The following TGFB2 variants were observed in gnomAD, a reference collection of about 807,000 sequenced individuals.
TGFB2 encodes the protein transforming growth factor beta-2 proprotein.
In TGFB2, 13 loss-of-function variants were observed where a neutral mutation model predicts 42.7. The observed-to-expected ratio is 0.30, with a 90% CI of 0.20 to 0.48. The LOEUF (loss-of-function observed/expected upper bound fraction) is 0.48. Ranked by LOEUF, TGFB2 falls within the 20% of genes least tolerant of loss-of-function variation. The probability of loss-of-function intolerance (pLI) is 0.99; values close to 1 mark genes in which losing one functional copy is unlikely to be tolerated. For missense variants in TGFB2, 390 were observed against 517.5 expected (o/e 0.75, Z 2.39); for synonymous variants, 193 against 193.6 (o/e 1.00, Z 0.03).
chr1:218,400,217 C>CA (rs558189521), intron 1 of TGFB2, among the ~76,000 whole-genome samples: 2,912 of 140,314 alleles, frequency 0.021, 44 homozygotes, highest in Admixed American at 0.032. Context: ...GTCTCTTGTT[C>CA]AAAAAAAAAA....
chr1:218,415,699 G>GAAAAAAAAAA (rs1174137652), intron 2 of TGFB2, among the ~76,000 whole-genome samples: 2 of 61,670 alleles, frequency 3.2e-5, no homozygotes, highest in Admixed American at 1.8e-4. Flanking sequence ...TGTCTCAAAA[G>GAAAAAAAAAA]AAAAAAAAAA....
In TGFB2 at chr1:218,444,605, G is replaced by A. The variant is rs967364171; in HGVS notation, c.*3243G>A. 5 of 152,298 alleles carry A rather than the reference G, an allele frequency of 3.3e-5. No homozygotes were observed. Among genetic ancestry groups the A allele is most frequent in the African/African-American group, 1.2e-4 (5 of 41,564 alleles). 9.4% of individuals were successfully genotyped at this position (152,298 alleles called of 1,614,324 possible). ...TTAATAAATAGGATTAATAAAAAAA[G>A]TAATTGTGACTCAATCTGGTTGTCT... On this transcript the variant is annotated 3_prime_UTR_variant, in exon 7 of 7. Transcript: ENST00000366930.
At chr1:218,383,982 C>T (rs1005187775) in intron 1 of TGFB2, among the ~76,000 whole-genome samples, 2 of 152,154 alleles carry the variant, frequency 1.3e-5, no homozygotes, top group Non-Finnish European at 2.9e-5. Context: ...CAGAGTTTGT[C>T]ATTTATGACG....
At chr1:218,356,115 T>C (rs1257685600) in intron 1 of TGFB2, among the ~76,000 whole-genome samples, 1 of 152,224 alleles carries the variant, frequency 6.6e-6, no homozygotes, top group Non-Finnish European at 1.5e-5. Flanking sequence ...ACATAGTATA[T>C]ACTCCTCCCA....
intron 1 of TGFB2, among the ~76,000 whole-genome samples, chr1:218,380,175 A>G (rs1248869481): frequency 6.6e-6 from 1 of 152,210 alleles, no homozygotes; most frequent in Non-Finnish European, 1.5e-5. Flanking sequence ...ACTCACTCGC[A>G]TTCATTGGAA....
chr1:218,380,102 T>TA, intron 1 of TGFB2, among the ~76,000 whole-genome samples: 1 of 152,230 alleles, frequency 6.6e-6, no homozygotes. Context: ...TTAAATAACT[T>TA]GCCCAAGCTG....
intron 6 of TGFB2, among the ~76,000 whole-genome samples, chr1:218,440,544 C>T (rs991822314): frequency 3.3e-5 from 5 of 152,058 alleles, no homozygotes; most frequent in Non-Finnish European, 5.9e-5. Flanking sequence ...GCCACCGTGC[C>T]CAGCCTGTAG....
chr1:218,355,515 A>G (rs1260230308), intron 1 of TGFB2, among the ~76,000 whole-genome samples: 2 of 152,360 alleles, frequency 1.3e-5, no homozygotes, highest in East Asian at 1.9e-4. Context: ...AGTGCAAGTC[A>G]TTAAAACTGC....
Position 218,405,137 on chromosome 1 carries a change from T to C in TGFB2, c.347-32T>C, listed in dbSNP as rs775081313. ...TTCTCTGAAAGCACAATGGATTTTATCATTTTCAATGATTGCCCTAATTTT... is the reference window on the plus strand; with the variant it reads ...TTCTCTGAAAGCACAATGGATTTTACCATTTTCAATGATTGCCCTAATTTT... On this transcript the variant is annotated intron_variant, in intron 1 of 6. Transcript: ENST00000366930. 5 of 1,545,920 alleles carry C rather than the reference T, an allele frequency of 3.2e-6. No individual in the cohort carries two copies. In the Middle Eastern group the frequency reaches 5.2e-4, roughly 162 times the overall value.
At chr1:218,348,870 A>G (rs1656779896) in intron 1 of TGFB2, among the ~76,000 whole-genome samples, 1 of 152,232 alleles carries the variant, frequency 6.6e-6, no homozygotes, top group Admixed American at 6.5e-5. Context: ...CAGCACTTCT[A>G]TAACACAGAA....
intron 2 of TGFB2, among the ~76,000 whole-genome samples, chr1:218,432,314 G>T (rs1162240544): frequency 2.0e-5 from 3 of 152,080 alleles, no homozygotes; most frequent in South Asian, 2.1e-4. Flanking sequence ...TCTTTAATTC[G>T]CAAAGAACAT....
At chr1:218,435,884 G>C in intron 4 of TGFB2, 86 bp from the exon 5 acceptor site, 1 of 1,370,830 alleles carries the variant, frequency 7.3e-7, no homozygotes, top group Non-Finnish European at 1.0e-6. Context: ...TGCTATTTGT[G>C]ACAATATACA....
chr1:218,442,535 G>A lies in TGFB2; in HGVS notation c.*1173G>A, dbSNP rs1275059828. 3.3e-5 allele frequency: 5 copies of A among 151,846 alleles called. No individual in the cohort carries two copies. Among genetic ancestry groups the A allele is most frequent in the African/African-American group, 1.2e-4 (5 of 41,342 alleles). The allele number at this position is 151,846 out of a possible 1,614,324, so 9.4% of individuals were successfully genotyped here. On this transcript the variant is annotated 3_prime_UTR_variant, in exon 7 of 7. Transcript: ENST00000366930. ...CACAAATGTATGTTTCTTTTAGCTG[G>A]CCAGTACTTTTGAGTAAAGCCCCTA...
chr1:218,361,085 C>A (rs924851995), intron 1 of TGFB2, among the ~76,000 whole-genome samples: 4 of 152,232 alleles, frequency 2.6e-5, no homozygotes, highest in African/African-American at 9.6e-5. Context: ...AAACTCCTGA[C>A]CTCGTGGTCT....
At chr1:218,407,140 C>G (rs553138813) in intron 2 of TGFB2, among the ~76,000 whole-genome samples, 24 of 152,152 alleles carry the variant, frequency 1.6e-4, no homozygotes, top group Non-Finnish European at 3.2e-4. Flanking sequence ...CTCTGTCACC[C>G]AGGCTAGAAT....
chr1:218,353,482 A>C (rs1186025072), intron 1 of TGFB2, among the ~76,000 whole-genome samples: 1 of 152,202 alleles, frequency 6.6e-6, no homozygotes, highest in East Asian at 1.9e-4. Flanking sequence ...CCCTGCATGA[A>C]AACTATACTC....
At chr1:218,430,996 C>T (rs1659789222) in intron 2 of TGFB2, among the ~76,000 whole-genome samples, 1 of 152,128 alleles carries the variant, frequency 6.6e-6, no homozygotes, top group Non-Finnish European at 1.5e-5. Context: ...TTCCTGTTTC[C>T]ACTAAGGACT....
chr1:218,398,447 T>A (rs1348833860), intron 1 of TGFB2, among the ~76,000 whole-genome samples: 1 of 152,226 alleles, frequency 6.6e-6, no homozygotes, highest in Non-Finnish European at 1.5e-5. Context: ...TTGGGGGACT[T>A]CTTGCAAGCC....
At chr1:218,377,518 TC>T (rs1296132841) in intron 1 of TGFB2, among the ~76,000 whole-genome samples, 6 of 152,146 alleles carry the variant, frequency 3.9e-5, no homozygotes, top group African/African-American at 1.4e-4. Flanking sequence ...AGGGCATCCC[TC>T]CCCACCAGCT....
Sources: allele counts gnomAD v4.1 joint callset (sites outside exome capture counted in the v4.1 genomes callset), GRCh38; gene constraint gnomAD v4.1.1; transcripts MANE v1.5; gene names NCBI Gene and HGNC (gene_info 2026-07-23, HGNC 2026-07-21).